Variants in LINC00237 observed in about 807,000 individuals in gnomAD.
The protein encoded by LINC00237 is long independently transcribed non-coding RNA 237.
At chr20:21,091,353 G>T (rs1442576285) in intron 2 of LINC00237, among the ~76,000 whole-genome samples, 3 of 152,194 alleles carry the variant, frequency 2.0e-5, no homozygotes, top group African/African-American at 7.2e-5. Flanking sequence ...CACTGCACAG[G>T]ACCATTTTAA....
At chr20:21,100,976 C>A (rs1203772294) in intron 1 of LINC00237, among the ~76,000 whole-genome samples, 1 of 152,142 alleles carries the variant, frequency 6.6e-6, no homozygotes, top group African/African-American at 2.4e-5. Context: ...TCCTCGCAGT[C>A]CCCACAAAAG....
chr20:21,086,630 GTATACTATA>G lies in LINC00237; in HGVS notation n.560-751_560-743del, dbSNP rs1465258805. 4.2e-3 allele frequency among the ~76,000 whole-genome samples: 544 copies of G among 129,474 alleles called. 10 individuals carry two copies. Among genetic ancestry groups the G allele is most frequent in the African/African-American group, 0.014 (497 of 34,298 alleles). 84.9% of individuals were successfully genotyped at this position (129,474 alleles called of 152,430 possible). On this transcript the variant is annotated intron_variant and non_coding_transcript_variant, in intron 3 of 3. Coordinates refer to ENST00000691244, the Ensembl canonical transcript of LINC00237. Reference sequence around the variant, plus strand: ...ATGTATATATAGTATACTATATATAGTATACTATATATAGTATACTATATATGTATAGTA... The same window carrying G: ...ATGTATATATAGTATACTATATATAGTATAGTATACTATATATGTATAGTA...
rs186137321 is a variant in LINC00237 at position 21,100,635 on chromosome 20, T to G, written n.88+5636A>C. 8.5e-3 allele frequency among the ~76,000 whole-genome samples: 1,300 copies of G among 152,356 alleles called. 11 individuals are homozygous for G. Among genetic ancestry groups the G allele is most frequent in the Middle Eastern group, 0.014 (4 of 294 alleles). On this transcript the variant is annotated intron_variant and non_coding_transcript_variant, in intron 1 of 3. Coordinates refer to ENST00000691244, the Ensembl canonical transcript of LINC00237. ...TCTTTGTAAAACCAAACCACTATGC[T>G]GTGCGTTCATGTTCAACTCTGTTGA...
At chr20:21,087,126 A>G (rs557472438) in intron 3 of LINC00237, among the ~76,000 whole-genome samples, 2 of 151,270 alleles carry the variant, frequency 1.3e-5, no homozygotes, top group African/African-American at 2.4e-5. Flanking sequence ...ATAGAGACAG[A>G]GAGACAGACA....
At chr20:21,105,441 C>T (rs2030986735) in intron 1 of LINC00237, among the ~76,000 whole-genome samples, 1 of 152,188 alleles carries the variant, frequency 6.6e-6, no homozygotes, top group South Asian at 2.1e-4. Flanking sequence ...TCTCGAGGTA[C>T]CCCTCTGAGG....
At chr20:21,102,103 T>C (rs1467692796) in intron 1 of LINC00237, among the ~76,000 whole-genome samples, 1 of 152,242 alleles carries the variant, frequency 6.6e-6, no homozygotes, top group African/African-American at 2.4e-5. Flanking sequence ...GAGGTTTTGC[T>C]TTAAGTATAC....
chr20:21,101,874 TGGTTGGG>T lies in LINC00237; in HGVS notation n.88+4390_88+4396del, dbSNP rs374579444. Among the ~76,000 whole-genome samples the T allele has an allele frequency of 2.6e-4, 34 of 131,018 alleles. No individual in the cohort carries two copies. Among genetic ancestry groups the T allele is most frequent in the African/African-American group, 9.0e-4 (32 of 35,416 alleles). 86.0% of individuals were successfully genotyped at this position (131,018 alleles called of 152,430 possible). Reference sequence around the variant, plus strand: ...AGAGGCTGGCGGGGGCACGCGGGGGTGGTTGGGGGCGGAGTGCGGCGAGGGGTGAGGG... The same window carrying T: ...AGAGGCTGGCGGGGGCACGCGGGGGTGGCGGAGTGCGGCGAGGGGTGAGGG... On this transcript the variant is annotated intron_variant and non_coding_transcript_variant, in intron 1 of 3. Coordinates refer to ENST00000691244, the Ensembl canonical transcript of LINC00237. The surrounding 1 kb of genome is among the most constrained non-coding windows in gnomAD (Gnocchi z 4.3).
chr20:21,087,418 C>A (rs2030728486), intron 3 of LINC00237, among the ~76,000 whole-genome samples: 1 of 151,966 alleles, frequency 6.6e-6, no homozygotes, highest in Non-Finnish European at 1.5e-5. Context: ...GCTTCAGAGA[C>A]CATTGTCAGA....
At chr20:21,104,895 T>G (rs1036157948) in intron 1 of LINC00237, among the ~76,000 whole-genome samples, 5 of 152,226 alleles carry the variant, frequency 3.3e-5, no homozygotes, top group Non-Finnish European at 5.9e-5. Context: ...CTGTGACCTC[T>G]GTTTACAAGC....
At chr20:21,087,826 TA>T (rs2030734714) in intron 3 of LINC00237, 1 of 152,158 alleles carries the variant, frequency 6.6e-6, no homozygotes, top group African/African-American at 2.4e-5. Context: ...AACGAGCAAA[TA>T]TTTTTTCCCA....
At chr20:21,091,027 C>T (rs1223706605) in intron 2 of LINC00237, among the ~76,000 whole-genome samples, 1 of 151,804 alleles carries the variant, frequency 6.6e-6, no homozygotes, top group African/African-American at 2.4e-5. Context: ...AGCCATTAGC[C>T]TGTCAGTGTG....
rs1437697417 is a variant in LINC00237 at position 21,091,278 on chromosome 20, C to T, written n.472+2191G>A. On this transcript the variant is annotated intron_variant and non_coding_transcript_variant, in intron 2 of 3. Transcript: ENST00000691244. ...CATAATGCAGCTTGTTAGCAGCTCC[C>T]TCTGCTTACATATAGGCCCGACGAG... 3.3e-5 allele frequency among the ~76,000 whole-genome samples: 5 copies of T among 152,146 alleles called. No individual in the cohort carries two copies. The East Asian group carries it at 5.8e-4, about 18-fold the overall frequency.
At chr20:21,092,627 A>C (rs746482857) in intron 2 of LINC00237, among the ~76,000 whole-genome samples, 19 of 152,174 alleles carry the variant, frequency 1.2e-4, no homozygotes, top group Non-Finnish European at 2.4e-4. Context: ...TGGCACCAAA[A>C]GATTCTTTTC....
chr20:21,102,771 A>G (rs2030949733), intron 1 of LINC00237, among the ~76,000 whole-genome samples: 1 of 151,840 alleles, frequency 6.6e-6, no homozygotes, highest in African/African-American at 2.4e-5. Flanking sequence ...ATTGTCACTC[A>G]GTTGAACAGT....
At chr20:21,105,510 G>A (rs1600316247) in intron 1 of LINC00237, among the ~76,000 whole-genome samples, 1 of 152,260 alleles carries the variant, frequency 6.6e-6, no homozygotes, top group East Asian at 1.9e-4. Flanking sequence ...GCCTACCTGG[G>A]CCGGGGCAGG....
chr20:21,086,554 CTATATATA>C (rs200504314), intron 3 of LINC00237, among the ~76,000 whole-genome samples: 2 of 103,058 alleles, frequency 1.9e-5, no homozygotes, highest in Admixed American at 2.2e-4. Flanking sequence ...TATATATGTA[CTATATATA>C]TAGTACATAT....
intron 3 of LINC00237, among the ~76,000 whole-genome samples, chr20:21,086,690 C>CTAT (rs1568883498): frequency 0.015 from 63 of 4,322 alleles, no homozygotes; most frequent in East Asian, 0.021. Context: ...ACTACATATA[C>CTAT]ATATGTAGTA....
intron 1 of LINC00237, among the ~76,000 whole-genome samples, chr20:21,105,585 G>C (rs1437090241): frequency 2.6e-5 from 4 of 152,202 alleles, no homozygotes; most frequent in South Asian, 2.1e-4. Context: ...AGGGCCCTGC[G>C]CTCACACTTC....
intron 2 of LINC00237, chr20:21,092,939 AC>A (rs968777103): frequency 1.5e-4 from 23 of 152,212 alleles, no homozygotes; most frequent in African/African-American, 4.3e-4. Context: ...TAAGTCACCC[AC>A]CTTTACAGAT....
Sources: gnomAD v4.1 joint callset for allele counts (sites outside exome capture counted in the v4.1 genomes callset) on GRCh38, gnomAD v4.1.1 for gene constraint, Gnocchi (gnomAD v3.1) non-coding constraint, MANE v1.5 for transcripts, NCBI Gene and HGNC (gene_info 2026-07-23, HGNC 2026-07-21) for gene names.